PCDHA8: variants seen among roughly 807,000 people sequenced by gnomAD.
The protein encoded by PCDHA8 is protocadherin alpha 8, also known as protocadherin alpha-8.
In PCDHA8, 53 loss-of-function variants were observed where a neutral mutation model predicts 61.8. The ratio of observed to expected loss-of-function variants is 0.86; its 90% confidence interval spans 0.69 to 1.08. PCDHA8 has a LOEUF of 1.08. Among genes scored for constraint, PCDHA8 ranks in the 50% least tolerant of loss-of-function variants. The pLI is 0.00. For synonymous variants in PCDHA8, 618 were observed against 556.6 expected, an observed-to-expected ratio of 1.11 and a Z score of -1.55; for missense variants, 1,293 against 1,245.0, an observed-to-expected ratio of 1.04 and a Z score of -0.58.
chr5:140,917,327 GGGA>G (rs1563018681), intron 1 of PCDHA8, among the ~76,000 whole-genome samples: 5 of 149,526 alleles, frequency 3.3e-5, no homozygotes, highest in Admixed American at 6.6e-5. Context: ...CATGTGGCGG[GGGA>G]GGGGGGGGAT....
At chr5:140,882,749 G>C (rs1393099675) in intron 1 of PCDHA8, 1 of 1,614,126 alleles carries the variant, frequency 6.2e-7, no homozygotes, top group Non-Finnish European at 8.5e-7. Flanking sequence ...ATCCGATGCA[G>C]ATATTGGAGT....
At chr5:140,998,273 A>G (rs1448303020) in intron 3 of PCDHA8, among the ~76,000 whole-genome samples, 1 of 152,216 alleles carries the variant, frequency 6.6e-6, no homozygotes, top group East Asian at 1.9e-4. Context: ...ACTGACACCC[A>G]TAGGATTAAA....
At chr5:140,877,116 C>T in intron 1 of PCDHA8, 4 of 1,613,672 alleles carry the variant, frequency 2.5e-6, no homozygotes, top group Non-Finnish European at 2.5e-6. Context: ...TGGGCAGCAA[C>T]GTGACGCTGC....
chr5:140,948,517 C>A (rs2094265494), intron 1 of PCDHA8, among the ~76,000 whole-genome samples: 1 of 151,496 alleles, frequency 6.6e-6, no homozygotes. Flanking sequence ...AAAATGTTAA[C>A]ACTATTTATA....
rs1266651704 is a variant in PCDHA8, at chr5:140,877,267, G to A, written c.2394+33552G>A. ...GGTGGCGAAAGTGCGCGCGGTGGAC[G>A]CTGACTCCGGCTATAACGCTTGGCT... On this transcript the variant is annotated intron_variant, in intron 1 of 3. Coordinates refer to ENST00000531613, the MANE Select transcript of PCDHA8 (RefSeq NM_018911.3). 1.2e-5 allele frequency: 20 copies of A among 1,613,680 alleles called. No homozygotes were observed. Among genetic ancestry groups the A allele is most frequent in the Admixed American group, 6.7e-5 (4 of 59,982 alleles).
rs782778779 is a variant in PCDHA8, at chr5:140,858,081, C to T, written c.2394+14366C>T. ...GAGGGCAGCCAGGCACCCAAGGCCT[C>T]GTCGCGGGCTTCAGTGGGCGTGGCG... On this transcript the variant is annotated intron_variant, in intron 1 of 3. Transcript: ENST00000531613. The T allele has an allele frequency of 6.9e-6, 11 of 1,597,646 alleles. 3 individuals are homozygous for T. The highest frequency in any genetic ancestry group is 1.7e-5 in the Admixed American group (1 of 59,270).
intron 1 of PCDHA8, chr5:140,928,911 A>G: frequency 6.2e-7 from 1 of 1,614,184 alleles, no homozygotes; most frequent in Non-Finnish European, 8.5e-7. Flanking sequence ...TCTGGGAACC[A>G]GGAGGGCAGC....
At chr5:140,940,028 G>T (rs782276273) in intron 1 of PCDHA8, among the ~76,000 whole-genome samples, 1 of 152,048 alleles carries the variant, frequency 6.6e-6, no homozygotes, top group African/African-American at 2.4e-5. Context: ...ATGTTTTAAG[G>T]CTATTTTATT....
At chr5:140,982,241 T>G in intron 2 of PCDHA8, 1 of 696,668 alleles carries the variant, frequency 1.4e-6, no homozygotes, top group South Asian at 3.3e-5. Context: ...AGAATTGCCA[T>G]AAAGATAGAA....
intron 1 of PCDHA8, chr5:140,863,494 C>A (rs1203332871): frequency 2.3e-5 from 10 of 442,506 alleles, no homozygotes; most frequent in African/African-American, 1.6e-4. Context: ...GTCAACATTA[C>A]GGCTTTTAGT....
chr5:140,964,747 G>C (rs1170890203), intron 1 of PCDHA8, among the ~76,000 whole-genome samples: 3 of 151,868 alleles, frequency 2.0e-5, no homozygotes, highest in Non-Finnish European at 4.4e-5. Context: ...AATTATTGTA[G>C]GGATGTTTGG....
chr5:140,849,574 A>G (rs2150440972), intron 1 of PCDHA8: 1 of 1,598,696 alleles, frequency 6.3e-7, no homozygotes, highest in East Asian at 2.2e-5. Context: ...GTTCCTGTAA[A>G]AGAGGACGCA....
intron 1 of PCDHA8, chr5:140,850,295 C>G (rs2150478300): frequency 5.6e-6 from 9 of 1,596,420 alleles, no homozygotes; most frequent in Non-Finnish European, 7.7e-6. Flanking sequence ...TGGACGCCGA[C>G]TCGGGCTACA....
chr5:140,858,279 G>C, intron 1 of PCDHA8: 1 of 1,597,396 alleles, frequency 6.3e-7, no homozygotes, highest in Non-Finnish European at 8.6e-7. Context: ...AGCGCGGTGG[G>C]GAGCTGGTCT....
chr5:140,984,659 C>G (rs560265457), intron 3 of PCDHA8, among the ~76,000 whole-genome samples: 4 of 152,246 alleles, frequency 2.6e-5, no homozygotes, highest in African/African-American at 9.6e-5. Flanking sequence ...CCTTCTGGTA[C>G]TTTTAGGTTT....
chr5:140,890,775 CATAAG>C (rs1358140207), intron 1 of PCDHA8, among the ~76,000 whole-genome samples: 5 of 152,040 alleles, frequency 3.3e-5, no homozygotes, highest in Admixed American at 6.6e-5. Context: ...TTTAAAACCC[CATAAG>C]ATATTAGTAT....
At chr5:140,869,878 A>G in intron 1 of PCDHA8, 1 of 1,610,122 alleles carries the variant, frequency 6.2e-7, no homozygotes, top group Non-Finnish European at 8.5e-7. Flanking sequence ...TGCTAAAGAA[A>G]CTCTTGTGCT....
In PCDHA8 at chr5:140,982,523, G is replaced by A; in HGVS notation, c.2502G>A (p.Gly834=). Residue 834 remains glycine (G), a synonymous_variant, in exon 3 of 4, where the codon GGG becomes GGA. Coordinates refer to ENST00000531613, the MANE Select transcript of PCDHA8 (RefSeq NM_018911.3). ...EAGILRAGPG[G]PDQQWPTVSS... ...GCATTCTACGGGCTGGTCCAGGAGGGCCTGATCAGCAGTGGCCAACAGTAT... is the reference window on the plus strand; with the variant it reads ...GCATTCTACGGGCTGGTCCAGGAGGACCTGATCAGCAGTGGCCAACAGTAT... 6.2e-7 allele frequency: 1 copy of A among 1,614,220 alleles called. No individual in the cohort carries two copies. The highest frequency in any genetic ancestry group is 8.5e-7 in the Non-Finnish European group (1 of 1,180,034).
chr5:140,987,293 T>C (rs2097246211), intron 3 of PCDHA8, among the ~76,000 whole-genome samples: 1 of 152,134 alleles, frequency 6.6e-6, no homozygotes, highest in African/African-American at 2.4e-5. Context: ...TAACAAGCCT[T>C]CTATGTGATA....
Sources: gnomAD v4.1 joint callset for allele counts (sites outside exome capture counted in the v4.1 genomes callset) on GRCh38, gnomAD v4.1.1 for gene constraint, MANE v1.5 for transcripts, NCBI Gene and HGNC (gene_info 2026-07-23, HGNC 2026-07-21) for gene names.